The following DUOX2 variants were observed in gnomAD, a reference collection of about 807,000 sequenced individuals.
DUOX2 encodes dual oxidase 2.
DUOX2 carries 185 observed loss-of-function variants against 183.3 expected under a neutral mutation model. That is an observed-to-expected ratio of 1.01 (90% CI 0.90 to 1.14). The LOEUF (loss-of-function observed/expected upper bound fraction) is 1.14, where lower values mean the gene tolerates loss of function less well. Ranked by LOEUF, DUOX2 falls within the 50% of genes most tolerant of loss-of-function variation. DUOX2 has a pLI of 0.00. For missense variants in DUOX2, 1,999 were observed against 2,022.9 expected (o/e 0.99, Z 0.23); for synonymous variants, 788 against 812.4 (o/e 0.97, Z 0.51).
At chr15:45,097,561 C>G (rs1893938438) in intron 28 of DUOX2, 53 bp downstream of exon 28, 1 of 1,613,954 alleles carries the variant, frequency 6.2e-7, no homozygotes, top group African/African-American at 1.3e-5. Flanking sequence ...TTTCACCTTC[C>G]TGTCCCATCC....
At chr15:45,103,410 G>A (rs1049663647) in intron 20 of DUOX2, among the ~76,000 whole-genome samples, 12 of 152,144 alleles carry the variant, frequency 7.9e-5, no homozygotes, top group African/African-American at 2.2e-4. Flanking sequence ...TGTTACTGAC[G>A]CATTCATTGT....
chr15:45,097,224 G>T lies in DUOX2; in HGVS notation c.3847+14C>A. The T allele has an allele frequency of 6.2e-7, 1 of 1,614,066 alleles. No individual in the cohort carries two copies. Among genetic ancestry groups the T allele is most frequent in the Non-Finnish European group, 8.5e-7 (1 of 1,180,026 alleles). On this transcript the variant is annotated intron_variant, in intron 29 of 33. Coordinates refer to ENST00000389039, the MANE Select transcript of DUOX2 (RefSeq NM_001363711.2). ...CTCTGTCGCTCCCGACCCAGGTCAGGCTGGGCCTGATACCTGAGGGCAGCA... is the reference window on the plus strand; with the variant it reads ...CTCTGTCGCTCCCGACCCAGGTCAGTCTGGGCCTGATACCTGAGGGCAGCA...
At chr15:45,099,547 G>C in intron 25 of DUOX2, 65 bp from the exon 26 acceptor site, 1 of 1,586,646 alleles carries the variant, frequency 6.3e-7, no homozygotes, top group Admixed American at 1.7e-5. Context: ...TCCTGAGGGA[G>C]AGAGGAGGCA....
rs1893855072 is a variant in DUOX2 at position 45,094,690 on chromosome 15, T to C, written c.4397A>G (p.Tyr1466Cys). 1 of 1,613,948 alleles carries C rather than the reference T, an allele frequency of 6.2e-7. No homozygotes were observed. The highest frequency in any genetic ancestry group is 8.5e-7 in the Non-Finnish European group (1 of 1,179,962). ...EKFDLRTTML[Y>C]ICERHFQKVL... is the part of the protein sequence containing the mutation. ...TTTCTGGAAGTGCCGCTCGCAGATG[T>C]ACTGGGGGCACAGGGGCAGGTCAGA... Residue 1466 changes from tyrosine to cysteine, a missense_variant and splice_region_variant, in exon 33 of 34, where the codon TAC (tyrosine) becomes TGC (cysteine). Tyr to Cys is a radical substitution (Grantham distance 194). This residue lies in a region of DUOX2 where 1,628 missense variants were observed against 1,608.6 expected (regional missense o/e 1.01). Coordinates refer to ENST00000389039, the MANE Select transcript of DUOX2 (RefSeq NM_001363711.2).
At position 45,109,026 on chromosome 15, in the gene DUOX2, C is replaced by T. The variant is rs558240238; in HGVS notation, c.1235-74G>A. ...TTTTGCCCTGCAGCCTTGTATCTGA[C>T]TATTGGCACTACGGTTCTTCCCTCC... is the stretch of plus-strand genomic sequence containing the variant. On this transcript the variant is annotated intron_variant, in intron 11 of 33. Coordinates refer to ENST00000389039, the MANE Select transcript of DUOX2 (RefSeq NM_001363711.2). 97 of 1,570,984 alleles carry T rather than the reference C, an allele frequency of 6.2e-5. No homozygotes were observed. In the South Asian group the frequency reaches 1.0e-3, roughly 16 times the overall value.
intron 29 of DUOX2, 88 bp downstream of exon 29, chr15:45,097,150 T>C: frequency 1.3e-6 from 2 of 1,588,362 alleles, no homozygotes; most frequent in South Asian, 1.1e-5. Context: ...GAGGCAGTGA[T>C]GGGGTCAGGA....
At chr15:45,102,047 G>C in intron 20 of DUOX2, 58 bp from the exon 21 acceptor site, 1 of 1,598,234 alleles carries the variant, frequency 6.3e-7, no homozygotes. Context: ...GCTTGGGTAG[G>C]TGCAGGGTGG....
chr15:45,105,795 C>A lies in DUOX2; in HGVS notation c.2182G>T (p.Ala728Ser). ...AAGTCCCATAGCTGCTGCACAAAGG[C>A]GCCCCGTTCCTCTTCAGAACTAAAC... The part of the protein sequence containing the change: ...LLFSSEEERG[A>S]FVQQLWDFCV... The change falls in exon 18 of 34, where the codon GCC (alanine) becomes TCC (serine). Residue 728 changes from alanine to serine, a missense_variant. Around this residue, in one of 3 missense-constraint regions of DUOX2, gnomAD observed 1,628 missense variants for 1,608.6 expected, o/e 1.01. Transcript: ENST00000389039. 1.2e-6 allele frequency: 2 copies of A among 1,614,070 alleles called. No individual in the cohort carries two copies. The highest frequency in any genetic ancestry group is 2.2e-5 in the East Asian group (1 of 44,902).
At chr15:45,103,753 C>T (rs1223569993) in intron 20 of DUOX2, among the ~76,000 whole-genome samples, 4 of 151,676 alleles carry the variant, frequency 2.6e-5, no homozygotes, top group African/African-American at 9.7e-5. Flanking sequence ...CTGGTGTTGA[C>T]AGTCCAGACA....
intron 20 of DUOX2, 87 bp from the exon 21 acceptor site, chr15:45,102,076 T>G: frequency 1.3e-6 from 2 of 1,508,926 alleles, no homozygotes; most frequent in African/African-American, 2.8e-5. Context: ...CCAGATTATC[T>G]AATGTGGTTA....
At chr15:45,107,069 C>G in intron 14 of DUOX2, 100 bp from the exon 15 acceptor site, 1 of 1,510,546 alleles carries the variant, frequency 6.6e-7, no homozygotes, top group Non-Finnish European at 9.0e-7. Flanking sequence ...TATCATCTGT[C>G]TTCCCCAGGC....
rs371257852 is a variant in DUOX2, at chr15:45,096,741, TACA to T, written c.3847+494_3847+496del. ...AACATTGCAATGAGATTAATTTTTT[TACA>T]ACATGAGTCCTGAAGGTTAGACAGT... On this transcript the variant is annotated intron_variant, in intron 29 of 33. Coordinates refer to ENST00000389039, the MANE Select transcript of DUOX2 (RefSeq NM_001363711.2). 2.0e-3 allele frequency among the ~76,000 whole-genome samples: 302 copies of T among 152,302 alleles called. 1 individual carries two copies. Among genetic ancestry groups the T allele is most frequent in the African/African-American group, 7.2e-3 (298 of 41,564 alleles).
At chr15:45,098,595 A>G (rs766182581) in intron 26 of DUOX2, among the ~76,000 whole-genome samples, 3 of 152,138 alleles carry the variant, frequency 2.0e-5, no homozygotes, top group Non-Finnish European at 4.4e-5. Context: ...TTCCTGGCCA[A>G]TCACAGCCAG....
rs752492430 is a variant in DUOX2 at position 45,097,400 on chromosome 15, A to C, written c.3694-9T>G. 4 of 1,614,246 alleles carry C rather than the reference A, an allele frequency of 2.5e-6. No homozygotes were observed. In the South Asian group the frequency reaches 3.3e-5, roughly 13 times the overall value. On this transcript the variant is annotated splice_polypyrimidine_tract_variant and intron_variant, in intron 28 of 33. Transcript: ENST00000389039. ...CTGCCATGGATGATGAGCTGGAGAC[A>C]CGGCCAGTTAGTACAACTCAGGCCC...
intron 16 of DUOX2, 31 bp from the exon 17 acceptor site, chr15:45,106,358 C>T: frequency 7.4e-6 from 12 of 1,612,320 alleles, no homozygotes; most frequent in Non-Finnish European, 8.5e-6. Context: ...CCGGGTAGTT[C>T]AGCAGATGTC....
At chr15:45,098,192 C>T in intron 26 of DUOX2, 134 bp from the exon 27 acceptor site, 1 of 816,840 alleles carries the variant, frequency 1.2e-6, no homozygotes, top group African/African-American at 1.7e-5. Context: ...GGCCAGGGAT[C>T]CCTCCAAGGA....
rs764364381 is a variant in DUOX2, at chr15:45,094,667, T to C, written c.4420A>G (p.Lys1474Glu). Reference sequence around the variant, plus strand: ...GTGAACAGACTCCGGTTCAGCACTTTCTGGAAGTGCCGCTCGCAGATGTAC... The same window carrying C: ...GTGAACAGACTCCGGTTCAGCACTTCCTGGAAGTGCCGCTCGCAGATGTAC... ...MLYICERHFQ[K>E]VLNRSLFTGL... The change falls in exon 33 of 34, where the codon AAA becomes GAA. Residue 1474 changes from lysine to glutamate, a missense_variant. Physicochemically the swap from Lys to Glu is moderately conservative, Grantham distance 56 (BLOSUM62 1). This residue lies in a region of DUOX2 where 1,628 missense variants were observed against 1,608.6 expected (regional missense o/e 1.01). Coordinates refer to ENST00000389039, the MANE Select transcript of DUOX2 (RefSeq NM_001363711.2). The C allele has an allele frequency of 3.4e-5, 55 of 1,613,946 alleles. No individual in the cohort carries two copies. The Middle Eastern group carries it at 6.6e-4, about 19-fold the overall frequency.
chr15:45,110,343 G>A (rs1894346083), intron 9 of DUOX2, 85 bp downstream of exon 9: 1 of 1,318,454 alleles, frequency 7.6e-7, no homozygotes, highest in Non-Finnish European at 1.0e-6. Flanking sequence ...AAACTGCGAA[G>A]GAGTGTGAAA....
rs1378704154 is a variant in DUOX2, at chr15:45,099,605, C to G, written c.3415+57G>C. 1.9e-6 allele frequency: 3 copies of G among 1,602,506 alleles called. No homozygotes were observed. The African/African-American group carries it at 4.0e-5, about 21-fold the overall frequency. On this transcript the variant is annotated intron_variant, in intron 25 of 33. Transcript: ENST00000389039. Reference sequence around the variant, plus strand: ...AAGGAGTTCCATCTCCCCACTGTTTCCCCCAACTAGACCCAGGGTGCTGCA... The same window carrying G: ...AAGGAGTTCCATCTCCCCACTGTTTGCCCCAACTAGACCCAGGGTGCTGCA...
Sources: allele counts gnomAD v4.1 joint callset (sites outside exome capture counted in the v4.1 genomes callset), GRCh38; gene constraint gnomAD v4.1.1; regional missense constraint gnomAD v4.1.1; transcripts MANE v1.5; gene names NCBI Gene and HGNC (gene_info 2026-07-23, HGNC 2026-07-21).